ITSN2: variants seen among roughly 807,000 people sequenced by gnomAD.
The protein encoded by ITSN2 is intersectin 2.
Under a neutral mutation model 243.7 loss-of-function variants are expected in ITSN2, and 156 were observed. That is an observed-to-expected ratio of 0.64 (90% CI 0.56 to 0.73). ITSN2 has a LOEUF of 0.73. ITSN2 is among the 30% of genes least tolerant of loss of function. The pLI is 0.00. For missense variants in ITSN2, 1,801 were observed against 1,996.1 expected, an observed-to-expected ratio of 0.90 and a Z score of 1.86; for synonymous variants, 703 against 699.9, an observed-to-expected ratio of 1.00 and a Z score of -0.07.
chr2:24,318,418 A>C (rs1391537597), intron 2 of ITSN2, among the ~76,000 whole-genome samples: 1 of 152,130 alleles, frequency 6.6e-6, no homozygotes, highest in Non-Finnish European at 1.5e-5. Context: ...AATCTGTGTC[A>C]TGTTTTTGGT....
At chr2:24,213,360 C>T (rs191196099) in intron 32 of ITSN2, among the ~76,000 whole-genome samples, 2 of 152,344 alleles carry the variant, frequency 1.3e-5, no homozygotes, top group Non-Finnish European at 2.9e-5. Context: ...TCCTACTTGC[C>T]TCTACCCCTA....
At chr2:24,275,678 G>T in intron 18 of ITSN2, 35 bp downstream of exon 18, 2 of 1,529,874 alleles carry the variant, frequency 1.3e-6, no homozygotes, top group Non-Finnish European at 8.9e-7. Flanking sequence ...AATTCTAATG[G>T]CAATATAGCA....
intron 29 of ITSN2, chr2:24,239,073 CAAAAT>C (rs1672468209): frequency 6.6e-6 from 1 of 152,422 alleles, no homozygotes; most frequent in African/African-American, 2.4e-5. Context: ...TCAAGACACA[CAAAAT>C]AAAATTTTAA....
intron 17 of ITSN2, among the ~76,000 whole-genome samples, chr2:24,279,320 C>T (rs960060316): frequency 2.0e-5 from 3 of 152,210 alleles, no homozygotes; most frequent in Admixed American, 6.5e-5. Context: ...ACAGATTCTA[C>T]TTTCCCTCTA....
At chr2:24,359,834 C>T (rs1688789402) in intron 1 of ITSN2, among the ~76,000 whole-genome samples, 1 of 152,132 alleles carries the variant, frequency 6.6e-6, no homozygotes, top group Non-Finnish European at 1.5e-5. Context: ...CGGGATGCGG[C>T]TCACCTGACA....
chr2:24,267,102 T>C (rs1676744498), intron 20 of ITSN2, among the ~76,000 whole-genome samples: 1 of 152,128 alleles, frequency 6.6e-6, no homozygotes, highest in African/African-American at 2.4e-5. Flanking sequence ...TGGATGACGC[T>C]GAAAACCATC....
chr2:24,332,405 T>C (rs1170003261), intron 1 of ITSN2, among the ~76,000 whole-genome samples: 3 of 151,894 alleles, frequency 2.0e-5, no homozygotes, highest in South Asian at 2.1e-4. Context: ...ATCACAGGCA[T>C]AATTCTGAAA....
In ITSN2 at chr2:24,211,043, AC is replaced by A; in HGVS notation, c.4090-97del. The A allele has an allele frequency of 8.3e-7, 1 of 1,210,690 alleles. No homozygotes were observed. Among genetic ancestry groups the A allele is most frequent in the Non-Finnish European group, 1.2e-6 (1 of 845,590 alleles). 75.0% of individuals were successfully genotyped at this position (1,210,690 alleles called of 1,614,324 possible). A position where few individuals can be genotyped will look rare whatever the true frequency, so the allele number is the denominator to read the frequency against. On this transcript the variant is annotated intron_variant, in intron 33 of 39. Coordinates refer to ENST00000355123, the MANE Select transcript of ITSN2 (RefSeq NM_006277.3). This position sits in a 1 kb window ranked among gnomAD's most constrained non-coding sequence, Gnocchi z 4.1. ...CCGCTCCTCCAACCCCATGTTATGG[AC>A]TGCTTCCATGCCCTGGAAACGCGGC...
chr2:24,276,029 T>C (rs944722043), intron 17 of ITSN2, among the ~76,000 whole-genome samples, 180 bp from the exon 18 acceptor site: 8 of 152,200 alleles, frequency 5.3e-5, no homozygotes, highest in African/African-American at 1.4e-4. Context: ...TTAAACCATA[T>C]AGCTCCTGAG....
chr2:24,248,032 A>G (rs576715048), intron 27 of ITSN2, among the ~76,000 whole-genome samples: 24 of 152,316 alleles, frequency 1.6e-4, no homozygotes, highest in African/African-American at 5.5e-4. Context: ...TATAGCTATT[A>G]TATCTCTTGT....
chr2:24,334,323 T>C (rs1172697986), intron 1 of ITSN2, among the ~76,000 whole-genome samples: 1 of 152,144 alleles, frequency 6.6e-6, no homozygotes, highest in Non-Finnish European at 1.5e-5. Flanking sequence ...CTTCCCAAAG[T>C]GTTGCGATTA....
Position 24,218,288 on chromosome 2 carries a change from A to T in ITSN2, c.3700-275T>A, listed in dbSNP as rs935020496. 9.9e-5 allele frequency among the ~76,000 whole-genome samples: 15 copies of T among 152,270 alleles called. No individual in the cohort carries two copies. The East Asian group carries it at 2.5e-3, about 25-fold the overall frequency. ...AGATTTTCAGATTTCTCTCTTAGGG[A>T]TGTTATGAAGGTTAAATAAAGCCAT... On this transcript the variant is annotated intron_variant, in intron 30 of 39. Transcript: ENST00000355123.
rs991755487 is a variant in ITSN2, at chr2:24,219,097, C to T, written c.3700-1084G>A. Among the ~76,000 whole-genome samples the T allele has an allele frequency of 2.6e-5, 4 of 152,200 alleles. 1 individual carries two copies. Among genetic ancestry groups the T allele is most frequent in the Admixed American group, 1.3e-4 (2 of 15,268 alleles). On this transcript the variant is annotated intron_variant, in intron 30 of 39. Transcript: ENST00000355123. ...ACATGCCATCCCACTTCTGTTTCCT[C>T]CTCCTGGAGTAGCAAACTTGTCCTT... is the stretch of plus-strand genomic sequence containing the variant.
At chr2:24,357,111 C>CA (rs1317213513) in intron 1 of ITSN2, among the ~76,000 whole-genome samples, 2 of 152,118 alleles carry the variant, frequency 1.3e-5, no homozygotes, top group Non-Finnish European at 2.9e-5. Context: ...TTTGACCCAG[C>CA]AATCTCATTA....
Position 24,275,851 on chromosome 2 carries a change from T to C in ITSN2, c.1945-2A>G. ...TGTGTTGTAGGTTTCTCTCAGTTCC[T>C]AAGGAGAAAAAGAAAATAAGTCAAT... On this transcript the variant is annotated splice_acceptor_variant, in intron 17 of 39. Coordinates refer to ENST00000355123, the MANE Select transcript of ITSN2 (RefSeq NM_006277.3). LOFTEE classifies it high-confidence loss of function. The C allele has an allele frequency of 6.3e-7, 1 of 1,588,748 alleles. No individual in the cohort carries two copies. The highest frequency in any genetic ancestry group is 8.6e-7 in the Non-Finnish European group (1 of 1,168,964).
intron 8 of ITSN2, among the ~76,000 whole-genome samples, chr2:24,307,692 C>T (rs1222534943): frequency 1.3e-5 from 2 of 152,176 alleles, no homozygotes; most frequent in African/African-American, 4.8e-5. Context: ...CTTGTCCAAT[C>T]GATTCCAAAA....
chr2:24,310,460 TAATGACTCTTTAG>T lies in ITSN2; in HGVS notation c.556+16_556+28del. ...AAATAGTTTCTTTCTTTACATGAAA[TAATGACTCTTTAG>T]AAACAAAGTACTCACTTGAAGAAGA... On this transcript the variant is annotated intron_variant, in intron 6 of 39. Transcript: ENST00000355123. The T allele has an allele frequency of 6.2e-7, 1 of 1,609,722 alleles. No individual in the cohort carries two copies. The highest frequency in any genetic ancestry group is 8.5e-7 in the Non-Finnish European group (1 of 1,176,044).
chr2:24,334,584 C>A (rs1309233388), intron 1 of ITSN2: 1 of 1,012,098 alleles, frequency 9.9e-7, no homozygotes, highest in Non-Finnish European at 1.5e-6. Context: ...CAAAGTGACA[C>A]AGTACAAGAA....
At chr2:24,276,924 T>C (rs1678081765) in intron 17 of ITSN2, among the ~76,000 whole-genome samples, 1 of 152,052 alleles carries the variant, frequency 6.6e-6, no homozygotes, top group Non-Finnish European at 1.5e-5. Context: ...GACCTGGGGA[T>C]AGGAATAAAA....
Sources: gnomAD v4.1 joint callset for allele counts (sites outside exome capture counted in the v4.1 genomes callset) on GRCh38, gnomAD v4.1.1 for gene constraint, Gnocchi (gnomAD v3.1) non-coding constraint, MANE v1.5 for transcripts, NCBI Gene and HGNC (gene_info 2026-07-23, HGNC 2026-07-21) for gene names.